Variants in GABRB1 observed in about 807,000 individuals in gnomAD.
GABRB1 encodes the protein gamma-aminobutyric acid type A receptor subunit beta1.
In GABRB1, 17 loss-of-function variants were observed where a neutral mutation model predicts 51.6. The observed-to-expected ratio is 0.33, with a 90% CI of 0.23 to 0.49. GABRB1 has a LOEUF of 0.49. Among genes scored for constraint, GABRB1 ranks in the 20% least tolerant of loss-of-function variants. The pLI is 0.99. For synonymous variants in GABRB1, 247 were observed against 218.9 expected, an observed-to-expected ratio of 1.13 and a Z score of -1.14; for missense variants, 410 against 600.6, an observed-to-expected ratio of 0.68 and a Z score of 3.32.
chr4:47,203,934 TTAGA>T (rs1391858549), intron 4 of GABRB1, among the ~76,000 whole-genome samples: 1 of 152,106 alleles, frequency 6.6e-6, no homozygotes, highest in Non-Finnish European at 1.5e-5. Flanking sequence ...TCAGAGGACC[TTAGA>T]TAGGTCTGAA....
At chr4:47,177,683 A>G (rs1718758507) in intron 4 of GABRB1, among the ~76,000 whole-genome samples, 1 of 152,124 alleles carries the variant, frequency 6.6e-6, no homozygotes, top group South Asian at 2.1e-4. Flanking sequence ...CAGTTCCATT[A>G]TTTTTGGTAG....
intron 5 of GABRB1, among the ~76,000 whole-genome samples, chr4:47,360,523 G>C (rs539344254): frequency 1.3e-5 from 2 of 152,048 alleles, no homozygotes; most frequent in African/African-American, 4.8e-5. Context: ...GTGCAGTAAT[G>C]TATCTGTTGG....
At chr4:47,008,849 CTACCTTTTTT>C (rs1724494045) in intron 1 of GABRB1, among the ~76,000 whole-genome samples, 1 of 47,032 alleles carries the variant, frequency 2.1e-5, no homozygotes, top group South Asian at 1.2e-3. Flanking sequence ...CTATCAGATA[CTACCTTTTTT>C]TTTTTTTTTT....
intron 5 of GABRB1, among the ~76,000 whole-genome samples, chr4:47,387,112 G>T (rs1414507672): frequency 6.6e-6 from 1 of 152,124 alleles, no homozygotes; most frequent in South Asian, 2.1e-4. Flanking sequence ...ATGATAAAAG[G>T]CATGTTTTTC....
chr4:47,132,736 C>A (rs1039462462), intron 3 of GABRB1, among the ~76,000 whole-genome samples: 5 of 152,178 alleles, frequency 3.3e-5, no homozygotes, highest in Admixed American at 6.5e-5. Context: ...TGAATAGCCA[C>A]AATCTAGAAC....
In GABRB1 at chr4:47,328,112, T is replaced by C. The variant is rs1292348357; in HGVS notation, c.544+7903T>C. Among the ~76,000 whole-genome samples the C allele has an allele frequency of 2.0e-5, 3 of 152,250 alleles. No homozygotes were observed. In the East Asian group the frequency reaches 5.8e-4, roughly 29 times the overall value. On this transcript the variant is annotated intron_variant, in intron 5 of 8. Coordinates refer to ENST00000295454, the MANE Select transcript of GABRB1 (RefSeq NM_000812.4). ...CTTTTGGCTGCATAAATGTCTTCTTTTGCGAAGTGTCTGTTCATATCCTTT... is the reference window on the plus strand; with the variant it reads ...CTTTTGGCTGCATAAATGTCTTCTTCTGCGAAGTGTCTGTTCATATCCTTT...
At chr4:47,306,780 C>T (rs939614900) in intron 4 of GABRB1, among the ~76,000 whole-genome samples, 6 of 152,148 alleles carry the variant, frequency 3.9e-5, no homozygotes, top group African/African-American at 1.4e-4. Context: ...CTATGTAAGA[C>T]ATACCCATGT....
chr4:47,368,220 A>C (rs922242168), intron 5 of GABRB1, among the ~76,000 whole-genome samples: 1 of 152,136 alleles, frequency 6.6e-6, no homozygotes, highest in Admixed American at 6.5e-5. Flanking sequence ...TCAACATATA[A>C]ATATCCTCAA....
intron 3 of GABRB1, among the ~76,000 whole-genome samples, chr4:47,062,302 T>TC (rs1338895202): frequency 6.9e-6 from 1 of 144,184 alleles, no homozygotes; most frequent in Non-Finnish European, 1.5e-5. Flanking sequence ...AGCAATGTCT[T>TC]TTTTTTTTTT....
chr4:47,283,499 C>T (rs138757469), intron 4 of GABRB1, among the ~76,000 whole-genome samples: 10,408 of 149,578 alleles, frequency 0.07, 530 homozygotes, highest in East Asian at 0.28. Context: ...CATTCTCCTG[C>T]CTCAGCCTCC....
At chr4:47,395,696 C>T (rs1728156655) in intron 5 of GABRB1, among the ~76,000 whole-genome samples, 1 of 152,152 alleles carries the variant, frequency 6.6e-6, no homozygotes, top group African/African-American at 2.4e-5. Flanking sequence ...TCACATGATT[C>T]AAAACTCAAA....
intron 5 of GABRB1, among the ~76,000 whole-genome samples, chr4:47,385,626 G>A (rs567603788): frequency 6.6e-6 from 1 of 152,206 alleles, no homozygotes; most frequent in East Asian, 1.9e-4. Flanking sequence ...CTACTCTCTG[G>A]ACACCAAGTG....
intron 4 of GABRB1, among the ~76,000 whole-genome samples, chr4:47,268,372 G>A (rs1267551621): frequency 6.6e-6 from 1 of 152,106 alleles, no homozygotes; most frequent in East Asian, 1.9e-4. Context: ...AACGTCAGAA[G>A]AAAAAGCTAA....
chr4:47,119,373 C>A (rs2109644593), intron 3 of GABRB1, among the ~76,000 whole-genome samples: 1 of 151,864 alleles, frequency 6.6e-6, no homozygotes, highest in East Asian at 1.9e-4. Flanking sequence ...AGTTTTTAAA[C>A]AAGATACAAA....
chr4:47,284,922 G>A (rs991878715), intron 4 of GABRB1, among the ~76,000 whole-genome samples: 5 of 152,148 alleles, frequency 3.3e-5, no homozygotes, highest in South Asian at 4.1e-4. Flanking sequence ...TTCATAAGAC[G>A]TCTCAGATAG....
intron 3 of GABRB1, among the ~76,000 whole-genome samples, chr4:47,050,833 A>G (rs995464006): frequency 1.3e-5 from 2 of 152,058 alleles, no homozygotes; most frequent in Non-Finnish European, 2.9e-5. Context: ...CTTGTCTTCC[A>G]TTTTTCCATT....
intron 5 of GABRB1, among the ~76,000 whole-genome samples, chr4:47,364,624 A>G (rs551204782): frequency 6.7e-6 from 1 of 149,906 alleles, no homozygotes; most frequent in East Asian, 1.9e-4. Context: ...AGTGAGACTA[A>G]AAAAAATTTA....
At chr4:47,193,854 A>G (rs904373933) in intron 4 of GABRB1, among the ~76,000 whole-genome samples, 5 of 152,178 alleles carry the variant, frequency 3.3e-5, no homozygotes, top group African/African-American at 1.2e-4. Context: ...TCATCTGACA[A>G]TGATAGATAA....
Position 47,128,584 on chromosome 4 carries a change from G to A in GABRB1, c.241-32665G>A, listed in dbSNP as rs544221941. Reference sequence around the variant, plus strand: ...TCCATTTATATGAGACTCAAGAAAAGGCAAATATAACTTAGAGTATAGAAA... The same window carrying A: ...TCCATTTATATGAGACTCAAGAAAAAGCAAATATAACTTAGAGTATAGAAA... On this transcript the variant is annotated intron_variant, in intron 3 of 8. Coordinates refer to ENST00000295454, the MANE Select transcript of GABRB1 (RefSeq NM_000812.4). Among the ~76,000 whole-genome samples the A allele has an allele frequency of 9.9e-5, 15 of 152,012 alleles. No individual in the cohort carries two copies. In the East Asian group the frequency reaches 2.9e-3, roughly 29 times the overall value.
Sources: gnomAD v4.1 joint callset for allele counts (sites outside exome capture counted in the v4.1 genomes callset) on GRCh38, gnomAD v4.1.1 for gene constraint, MANE v1.5 for transcripts, NCBI Gene and HGNC (gene_info 2026-07-23, HGNC 2026-07-21) for gene names.